GAS6: variants seen among roughly 807,000 people sequenced by gnomAD.
GAS6 encodes growth arrest-specific protein 6.
GAS6 carries 41 observed loss-of-function variants against 75.8 expected under a neutral mutation model. The observed-to-expected ratio is 0.54, with a 90% confidence interval of 0.42 to 0.70. The LOEUF is 0.70. GAS6 is among the 30% of genes least tolerant of loss of function. The pLI is 0.00. For synonymous variants in GAS6, 432 were observed against 412.6 expected, an observed-to-expected ratio of 1.05 and a Z score of -0.57; for missense variants, 854 against 940.2, an observed-to-expected ratio of 0.91 and a Z score of 1.20.
intron 11 of GAS6, among the ~76,000 whole-genome samples, chr13:113,828,203 G>A (rs1251419295): frequency 1.3e-5 from 2 of 152,130 alleles, no homozygotes; most frequent in Non-Finnish European, 2.9e-5. Context: ...GGCGGAGCTT[G>A]CAGTGAGCCG....
At chr13:113,823,149 C>T (rs1305350071) in intron 13 of GAS6, 5 of 477,404 alleles carry the variant, frequency 1.0e-5, no homozygotes, top group Admixed American at 3.9e-5. Flanking sequence ...GAGTGTGGCT[C>T]GCAGGCGCCG....
rs1411155996 is a variant in GAS6 at position 113,857,651 on chromosome 13, T to C, written c.255+5924A>G. ...GCTCAGCATGCCCCAGCTAGCAAGC[T>C]TAACGCCCCTTTACTCAGAATCTCA... On this transcript the variant is annotated intron_variant, in intron 2 of 14. Transcript: ENST00000327773. 1.1e-4 allele frequency among the ~76,000 whole-genome samples: 17 copies of C among 152,368 alleles called. No individual in the cohort carries two copies. In the East Asian group the frequency reaches 3.3e-3, roughly 29 times the overall value.
At chr13:113,833,241 C>A in intron 8 of GAS6, 2 of 1,060,192 alleles carry the variant, frequency 1.9e-6, no homozygotes, top group Non-Finnish European at 2.3e-6. Context: ...GCCAGGCCTG[C>A]CCTGCCCACC....
At chr13:113,824,949 T>C (rs1057171623) in intron 12 of GAS6, among the ~76,000 whole-genome samples, 3 of 152,158 alleles carry the variant, frequency 2.0e-5, no homozygotes, top group African/African-American at 7.2e-5. Context: ...TCGGGCGTGG[T>C]GGCTCACGCC....
chr13:113,838,387 A>C, intron 5 of GAS6, 196 bp from the exon 6 acceptor site: 1 of 567,206 alleles, frequency 1.8e-6, no homozygotes, highest in Non-Finnish European at 3.0e-6. Context: ...ACCAGGGGTC[A>C]CAGCCTAGCC....
chr13:113,840,172 C>A, intron 4 of GAS6: 1 of 328,274 alleles, frequency 3.0e-6, no homozygotes, highest in Non-Finnish European at 5.6e-6. Flanking sequence ...TCAGACCTCC[C>A]AGGGAGTAGG....
At chr13:113,847,642 A>AT (rs2051844655) in intron 3 of GAS6, 1 of 223,588 alleles carries the variant, frequency 4.5e-6, no homozygotes, top group African/African-American at 2.4e-5. Flanking sequence ...TACGGTAAAT[A>AT]TCAGTCAATA....
In GAS6 at chr13:113,863,568, T is replaced by G; in HGVS notation, c.255+7A>C. 6.6e-7 allele frequency: 1 copy of G among 1,505,068 alleles called. No individual in the cohort carries two copies. The highest frequency in any genetic ancestry group is 1.2e-5 in the South Asian group (1 of 81,254). The allele number at this position is 1,505,068 out of a possible 1,614,324, so 93.2% of individuals were successfully genotyped here. A position where few individuals can be genotyped will look rare whatever the true frequency, so the allele number is the denominator to read the frequency against. On this transcript the variant is annotated splice_region_variant and intron_variant, in intron 2 of 14. Transcript: ENST00000327773. This position sits in a 1 kb window ranked among gnomAD's most constrained non-coding sequence, Gnocchi z 9.4. The stretch of plus-strand genomic sequence containing the variant: ...GTTCCCCCGCATCCCGCCCGCCGGC[T>G]GCTCACCGTCTCGGGGTCGTTCTCG...
rs2051442498 is a variant in GAS6 at position 113,820,717 on chromosome 13, A to C, written c.*147T>G. On this transcript the variant is annotated 3_prime_UTR_variant, in exon 15 of 15. Coordinates refer to ENST00000327773, the MANE Select transcript of GAS6 (RefSeq NM_000820.4). Reference sequence around the variant, plus strand: ...GCGCGGCGTCAGAGGCCCCAAGTCCATCTCACTATTTACAGATATGTTACA... The same window carrying C: ...GCGCGGCGTCAGAGGCCCCAAGTCCCTCTCACTATTTACAGATATGTTACA... 2 of 963,256 alleles carry C rather than the reference A, an allele frequency of 2.1e-6. No individual in the cohort carries two copies. Among genetic ancestry groups the C allele is most frequent in the African/African-American group, 1.6e-5 (1 of 60,648 alleles). 59.7% of individuals were successfully genotyped at this position (963,256 alleles called of 1,614,324 possible).
At chr13:113,821,614 G>A (rs934032365) in intron 14 of GAS6, 1 of 325,462 alleles carries the variant, frequency 3.1e-6, no homozygotes, top group Admixed American at 4.5e-5. Flanking sequence ...TGACAGCCGC[G>A]GGTCCCAACT....
At chr13:113,846,250 G>C (rs902058665) in intron 4 of GAS6, among the ~76,000 whole-genome samples, 2 of 152,244 alleles carry the variant, frequency 1.3e-5, no homozygotes, top group Non-Finnish European at 2.9e-5. Context: ...AACTACGGTG[G>C]TGTCTGACTG....
chr13:113,853,597 G>A (rs1350340738), intron 2 of GAS6, among the ~76,000 whole-genome samples: 1 of 152,214 alleles, frequency 6.6e-6, no homozygotes, highest in African/African-American at 2.4e-5. Context: ...TTGACAAGTG[G>A]GTGGAGACTG....
At chr13:113,856,346 TG>T (rs1452905585) in intron 2 of GAS6, among the ~76,000 whole-genome samples, 1 of 152,148 alleles carries the variant, frequency 6.6e-6, no homozygotes, top group Non-Finnish European at 1.5e-5. Flanking sequence ...TGACAGAGTG[TG>T]GGGCTCAAAT....
intron 2 of GAS6, among the ~76,000 whole-genome samples, chr13:113,858,735 G>A (rs1029919985): frequency 2.6e-5 from 4 of 152,134 alleles, no homozygotes; most frequent in East Asian, 3.9e-4. Context: ...GTGCATGTAT[G>A]TGTACATGTC....
At chr13:113,827,435 G>A (rs935656384) in intron 11 of GAS6, among the ~76,000 whole-genome samples, 2 of 152,242 alleles carry the variant, frequency 1.3e-5, no homozygotes, top group Non-Finnish European at 2.9e-5. Context: ...TGGGTCTAAG[G>A]TCAAAGAGTA....
Position 113,822,195 on chromosome 13 carries a change from G to A in GAS6, c.1654-9C>T. ...ACGGCCAGGACCACCAGCTGCAGGA[G>A]ACCGAGGTGTGGTCAGGGCCTGCCG... On this transcript the variant is annotated splice_polypyrimidine_tract_variant and intron_variant, in intron 13 of 14. Coordinates refer to ENST00000327773, the MANE Select transcript of GAS6 (RefSeq NM_000820.4). 6.6e-7 allele frequency: 1 copy of A among 1,525,678 alleles called. No homozygotes were observed. Among genetic ancestry groups the A allele is most frequent in the East Asian group, 2.4e-5 (1 of 42,418 alleles). The allele number at this position is 1,525,678 out of a possible 1,614,324, so 94.5% of individuals were successfully genotyped here.
chr13:113,863,783 G>A lies in GAS6; in HGVS notation c.89-42C>T. 4 of 1,421,620 alleles carry A rather than the reference G, an allele frequency of 2.8e-6. No individual in the cohort carries two copies. The highest frequency in any genetic ancestry group is 3.6e-6 in the Non-Finnish European group (4 of 1,098,854). The allele number at this position is 1,421,620 out of a possible 1,614,324, so 88.1% of individuals were successfully genotyped here. A position where few individuals can be genotyped will look rare whatever the true frequency, so the allele number is the denominator to read the frequency against. The stretch of plus-strand genomic sequence containing the variant: ...AGGGGGACGCGTCAAGCCGCGCCCG[G>A]AGCCTCCTCCCGCCGCCCGGGGACG... On this transcript the variant is annotated intron_variant, in intron 1 of 14. Coordinates refer to ENST00000327773, the MANE Select transcript of GAS6 (RefSeq NM_000820.4). The surrounding 1 kb of genome is among the most constrained non-coding windows in gnomAD (Gnocchi z 9.4).
intron 2 of GAS6, among the ~76,000 whole-genome samples, chr13:113,855,379 G>T (rs187831401): frequency 9.7e-4 from 148 of 152,338 alleles, no homozygotes; most frequent in African/African-American, 3.4e-3. Context: ...AGCAGCACAG[G>T]ATGAGGATGC....
chr13:113,856,713 A>G (rs1291226814), intron 2 of GAS6, among the ~76,000 whole-genome samples: 2 of 152,256 alleles, frequency 1.3e-5, no homozygotes, highest in Admixed American at 6.5e-5. Context: ...AGTGAACAGT[A>G]TCTTCCAGGT....
Sources: gnomAD v4.1 joint callset for allele counts (sites outside exome capture counted in the v4.1 genomes callset) on GRCh38, gnomAD v4.1.1 for gene constraint, Gnocchi (gnomAD v3.1) non-coding constraint, MANE v1.5 for transcripts, NCBI Gene and HGNC (gene_info 2026-07-23, HGNC 2026-07-21) for gene names.